DDX18: variants seen among roughly 807,000 people sequenced by gnomAD.
DDX18 encodes DEAD-box helicase 18.
A neutral mutation model predicts 73.5 loss-of-function variants in DDX18; 23 were observed. That is an observed-to-expected ratio of 0.31 (90% confidence interval 0.23 to 0.44). The LOEUF (loss-of-function observed/expected upper bound fraction) is 0.44. Among genes scored for constraint, DDX18 ranks in the 20% least tolerant of loss-of-function variants. DDX18 has a pLI of 1.00. For missense variants in DDX18, 753 were observed against 792.9 expected, an observed-to-expected ratio of 0.95 and a Z score of 0.60; for synonymous variants, 268 against 282.7, an observed-to-expected ratio of 0.95 and a Z score of 0.52.
chr2:117,824,922 T>G lies in DDX18; in HGVS notation c.1207-18T>G. On this transcript the variant is annotated intron_variant, in intron 8 of 13. Coordinates refer to ENST00000263239, the MANE Select transcript of DDX18 (RefSeq NM_006773.4). ...TCCACTTGGTTCATTTGTATCTGTCTGCTTAAACGCTTTCTAGGGATATGT... is the reference window on the plus strand; with the variant it reads ...TCCACTTGGTTCATTTGTATCTGTCGGCTTAAACGCTTTCTAGGGATATGT... 1 of 1,589,284 alleles carries G rather than the reference T, an allele frequency of 6.3e-7. No individual in the cohort carries two copies. Among genetic ancestry groups the G allele is most frequent in the East Asian group, 2.2e-5 (1 of 44,684 alleles).
rs1285891561 is a variant in DDX18, at chr2:117,830,958, G to A, written c.*234G>A. On this transcript the variant is annotated 3_prime_UTR_variant, in exon 14 of 14. Transcript: ENST00000263239. ...CCCAAGGGCAGAGCAAGGAATATCTGGTGTTTCTTGTGATGATAATATTTT... is the reference window on the plus strand; with the variant it reads ...CCCAAGGGCAGAGCAAGGAATATCTAGTGTTTCTTGTGATGATAATATTTT... 1 of 479,396 alleles carries A rather than the reference G, an allele frequency of 2.1e-6. No individual in the cohort carries two copies. The highest frequency in any genetic ancestry group is 3.7e-6 in the Non-Finnish European group (1 of 273,352). 29.7% of individuals were successfully genotyped at this position (479,396 alleles called of 1,614,324 possible).
rs1213676347 is a variant in DDX18, at chr2:117,817,425, G to A, written c.86-19G>A. ...CTTCTCCTTCTTTGTCACAGTATATGTTCTGTTTATTTAAACAGGGGCCTC... is the reference window on the plus strand; with the variant it reads ...CTTCTCCTTCTTTGTCACAGTATATATTCTGTTTATTTAAACAGGGGCCTC... On this transcript the variant is annotated intron_variant, in intron 1 of 13. Coordinates refer to ENST00000263239, the MANE Select transcript of DDX18 (RefSeq NM_006773.4). 1 of 1,583,706 alleles carries A rather than the reference G, an allele frequency of 6.3e-7. No individual in the cohort carries two copies. Among genetic ancestry groups the A allele is most frequent in the Non-Finnish European group, 8.5e-7 (1 of 1,170,906 alleles).
rs1558730548 is a variant in DDX18 at position 117,814,870 on chromosome 2, G to C, written c.85+8G>C. On this transcript the variant is annotated splice_region_variant and intron_variant, in intron 1 of 13. Transcript: ENST00000263239. Reference sequence around the variant, plus strand: ...GGAACCTAAAGTTTCAGGGTGAGATGCGTTGACTCGCGGTGGCTCAGAAGA... The same window carrying C: ...GGAACCTAAAGTTTCAGGGTGAGATCCGTTGACTCGCGGTGGCTCAGAAGA... The C allele has an allele frequency of 6.2e-7, 1 of 1,614,064 alleles. No individual in the cohort carries two copies. The highest frequency in any genetic ancestry group is 1.7e-5 in the Admixed American group (1 of 60,024).
rs1253221107 is a variant in DDX18 at position 117,825,246 on chromosome 2, G to A, written c.1368+145G>A. The A allele has an allele frequency of 8.9e-6, 11 of 1,239,180 alleles. No individual in the cohort carries two copies. The Admixed American group carries it at 9.4e-5, about 11-fold the overall frequency. The allele number at this position is 1,239,180 out of a possible 1,614,324, so 76.8% of individuals were successfully genotyped here. On this transcript the variant is annotated intron_variant, in intron 9 of 13. Transcript: ENST00000263239. ...GATGATGGATCCTGTGTGGGGGAGC[G>A]CTGCTGGGTGTGGAGGGGTATGAGG... is the stretch of plus-strand genomic sequence containing the variant.
intron 1 of DDX18, 70 bp downstream of exon 1, chr2:117,814,932 G>A: frequency 6.6e-7 from 1 of 1,508,516 alleles, no homozygotes; most frequent in East Asian, 2.3e-5. Flanking sequence ...GGCGGCCGGG[G>A]GCCCAGCTGC....
At chr2:117,815,026 T>C in intron 1 of DDX18, 164 bp downstream of exon 1, 1 of 654,012 alleles carries the variant, frequency 1.5e-6, no homozygotes, top group Non-Finnish European at 2.7e-6. Context: ...CCCGCGCTGC[T>C]GCCCACTCGT....
chr2:117,817,900 C>A (rs1422324470), intron 2 of DDX18, among the ~76,000 whole-genome samples, 172 bp downstream of exon 2: 2 of 152,116 alleles, frequency 1.3e-5, no homozygotes, highest in East Asian at 3.9e-4. Context: ...AGCGGGGAGT[C>A]CATTTCAACT....
In DDX18 at chr2:117,819,669, G is replaced by A. The variant is rs1255260982; in HGVS notation, c.391G>A (p.Glu131Lys). ...AEPDTKKAKT[E>K]NKGKSEEESA... is the part of the protein sequence containing the mutation. Reference sequence around the variant, plus strand: ...CAAAGATACGAAAAAAGCAAAAACTGAAAACAAAGGGAAATCTGAAGAAGA... The same window carrying A: ...CAAAGATACGAAAAAAGCAAAAACTAAAAACAAAGGGAAATCTGAAGAAGA... The change falls in exon 3 of 14, where the codon GAA becomes AAA. Residue 131 changes from glutamate to lysine, a missense_variant. This residue lies in a region of DDX18 where 345 missense variants were observed against 352.0 expected (regional missense o/e 0.98). Coordinates refer to ENST00000263239, the MANE Select transcript of DDX18 (RefSeq NM_006773.4). 3.2e-6 allele frequency: 5 copies of A among 1,584,264 alleles called. No individual in the cohort carries two copies. The East Asian group carries it at 1.1e-4, about 36-fold the overall frequency.
intron 2 of DDX18, 119 bp downstream of exon 2, chr2:117,817,847 T>TA (rs1679785426): frequency 9.4e-7 from 1 of 1,061,704 alleles, no homozygotes; most frequent in South Asian, 2.0e-5. Flanking sequence ...ACCAGTATGT[T>TA]AGAGATTAGC....
intron 1 of DDX18, among the ~76,000 whole-genome samples, chr2:117,817,208 C>T (rs1420305903): frequency 1.3e-5 from 2 of 152,154 alleles, no homozygotes; most frequent in East Asian, 1.9e-4. Flanking sequence ...GATGTACGGT[C>T]TTTTGCAGTT....
At position 117,822,218 on chromosome 2, in the gene DDX18, G is replaced by C. The variant is rs555946570; in HGVS notation, c.1023G>C (p.Val341=). The C allele has an allele frequency of 4.3e-6, 7 of 1,613,730 alleles. No homozygotes were observed. In the Admixed American group the frequency reaches 1.0e-4, roughly 23 times the overall value. ...VIDEADRILD[V]GFEEELKQII... ...ATGAAGCTGATCGTATCTTGGATGTGGGGTTTGAAGAGGAATTAAAGCAAA... is the reference window on the plus strand; with the variant it reads ...ATGAAGCTGATCGTATCTTGGATGTCGGGTTTGAAGAGGAATTAAAGCAAA... Residue 341 remains valine (V), a synonymous_variant, in exon 7 of 14, where the codon GTG becomes GTC. Coordinates refer to ENST00000263239, the MANE Select transcript of DDX18 (RefSeq NM_006773.4).
At chr2:117,828,538 G>A (rs1679971323) in intron 11 of DDX18, 1 of 158,872 alleles carries the variant, frequency 6.3e-6, no homozygotes, top group South Asian at 1.9e-4. Context: ...TCCTGTAGGA[G>A]TTTGTGGTCA....
chr2:117,829,050 C>G, intron 12 of DDX18, 45 bp downstream of exon 12: 1 of 1,506,758 alleles, frequency 6.6e-7, no homozygotes. Flanking sequence ...AACCTTGTCC[C>G]AGCACTCTGT....
At chr2:117,825,398 A>G in intron 9 of DDX18, 49 bp from the exon 10 acceptor site, 1 of 1,586,398 alleles carries the variant, frequency 6.3e-7, no homozygotes. Flanking sequence ...TTCTACTGCT[A>G]GTCTTCCTCA....
intron 12 of DDX18, 105 bp downstream of exon 12, chr2:117,829,110 T>A: frequency 8.4e-7 from 1 of 1,186,198 alleles, no homozygotes. Context: ...TACCCTGTCC[T>A]AAAGTGAGGA....
chr2:117,816,335 C>G (rs1679756729), intron 1 of DDX18, among the ~76,000 whole-genome samples: 1 of 152,224 alleles, frequency 6.6e-6, no homozygotes, highest in African/African-American at 2.4e-5. Flanking sequence ...TTTAATAACA[C>G]TTAGCTTACA....
intron 12 of DDX18, 29 bp from the exon 13 acceptor site, chr2:117,829,260 A>C: frequency 1.3e-6 from 2 of 1,562,462 alleles, no homozygotes; most frequent in Non-Finnish European, 1.7e-6. Context: ...GTTTTTGTTT[A>C]TTAAAACCAG....
intron 3 of DDX18, among the ~76,000 whole-genome samples, chr2:117,820,823 T>C (rs759918216): frequency 3.3e-5 from 5 of 152,314 alleles, no homozygotes; most frequent in Middle Eastern, 6.8e-3. Context: ...GTTTTCACTT[T>C]TATATCAGAT....
At chr2:117,829,123 A>G in intron 12 of DDX18, 118 bp downstream of exon 12, 1 of 1,134,484 alleles carries the variant, frequency 8.8e-7, no homozygotes, top group Non-Finnish European at 1.3e-6. Flanking sequence ...AGTGAGGATC[A>G]GGCTGTGTAG....
Sources: gnomAD v4.1 joint callset for allele counts (sites outside exome capture counted in the v4.1 genomes callset) on GRCh38, gnomAD v4.1.1 for gene constraint, gnomAD v4.1.1 regional missense constraint, MANE v1.5 for transcripts, NCBI Gene and HGNC (gene_info 2026-07-23, HGNC 2026-07-21) for gene names.